Variants in TNR observed in about 807,000 individuals in gnomAD.
TNR encodes the protein tenascin-R.
In TNR, 45 loss-of-function variants were observed where a neutral mutation model predicts 150.4. The observed-to-expected ratio is 0.30, with a 90% CI of 0.24 to 0.38. TNR has a LOEUF of 0.38. Ranked by LOEUF, TNR falls within the 10% of genes least tolerant of loss-of-function variation. The probability of loss-of-function intolerance (pLI) is 1.00; values close to 1 mark genes in which losing one functional copy is unlikely to be tolerated. For missense variants in TNR, 1,544 were observed against 1,759.1 expected, an observed-to-expected ratio of 0.88 and a Z score of 2.19; for synonymous variants, 687 against 678.4, an observed-to-expected ratio of 1.01 and a Z score of -0.20.
chr1:175,469,963 A>G (rs531002920), intron 2 of TNR, among the ~76,000 whole-genome samples: 77 of 152,260 alleles, frequency 5.1e-4, no homozygotes, highest in Middle Eastern at 6.8e-3. Context: ...AAGACCCTTT[A>G]GAGGGAAAAC....
intron 1 of TNR, among the ~76,000 whole-genome samples, chr1:175,582,627 A>T (rs570820276): frequency 3.0e-4 from 46 of 152,294 alleles, no homozygotes; most frequent in African/African-American, 9.9e-4. Flanking sequence ...AGAGGCCTTT[A>T]CCATGCTTCT....
At chr1:175,513,358 T>C (rs571017995) in intron 2 of TNR, among the ~76,000 whole-genome samples, 17 of 152,278 alleles carry the variant, frequency 1.1e-4, no homozygotes, top group South Asian at 1.0e-3. Flanking sequence ...CTTGCAAAGT[T>C]TGGAAAAAGA....
intron 1 of TNR, among the ~76,000 whole-genome samples, chr1:175,637,899 G>A (rs1228644501): frequency 6.6e-6 from 1 of 152,216 alleles, no homozygotes; most frequent in Non-Finnish European, 1.5e-5. Flanking sequence ...CAGTGAGGGA[G>A]ATGCTGAATA....
At chr1:175,477,110 A>T (rs184379070) in intron 2 of TNR, among the ~76,000 whole-genome samples, 177 of 152,318 alleles carry the variant, frequency 1.2e-3, no homozygotes, top group Non-Finnish European at 2.0e-3. Context: ...TGAGATAATA[A>T]CAACCATGGA....
intron 21 of TNR, 36 bp downstream of exon 21, chr1:175,330,038 C>G (rs1303208498): frequency 6.8e-7 from 1 of 1,476,466 alleles, no homozygotes; most frequent in African/African-American, 1.4e-5. Flanking sequence ...GTCCCATGCC[C>G]ACTGTCCTTG....
At chr1:175,669,942 G>A (rs1460266192) in intron 1 of TNR, among the ~76,000 whole-genome samples, 1 of 152,210 alleles carries the variant, frequency 6.6e-6, no homozygotes, top group African/African-American at 2.4e-5. Flanking sequence ...CTCAGGGTCA[G>A]GCTTGGGCCC....
intron 1 of TNR, among the ~76,000 whole-genome samples, chr1:175,532,925 G>A (rs1185048655): frequency 6.6e-6 from 1 of 152,104 alleles, no homozygotes; most frequent in African/African-American, 2.4e-5. Flanking sequence ...ATAAGACTAA[G>A]CTCACCATCA....
chr1:175,503,583 C>G (rs1658827409), intron 2 of TNR, among the ~76,000 whole-genome samples: 1 of 152,114 alleles, frequency 6.6e-6, no homozygotes, highest in Non-Finnish European at 1.5e-5. Context: ...AGGTATTTCA[C>G]AAGGTACCTT....
At position 175,386,133 on chromosome 1, in the gene TNR, T is replaced by A; in HGVS notation, c.1676A>T (p.Tyr559Phe). ...TFRLQPPLSQ[Y>F]SVQALRPGSR... ...GCCAGGCCGCAGGGCCTGCACTGAG[T>A]ATTGGCTCAGGGGAGGCTGCAGCCG... Residue 559 changes from tyrosine to phenylalanine, a missense_variant, in exon 8 of 23, where the codon TAC becomes TTC. Tyr to Phe is a conservative substitution (Grantham distance 22). Around this residue, in one of 2 missense-constraint regions of TNR, gnomAD observed 1,254 missense variants for 1,329.4 expected, o/e 0.94. Transcript: ENST00000367674. The A allele has an allele frequency of 2.5e-6, 4 of 1,613,316 alleles. No homozygotes were observed. The highest frequency in any genetic ancestry group is 3.4e-6 in the Non-Finnish European group (4 of 1,179,448).
At chr1:175,691,729 A>T (rs1666375160) in intron 1 of TNR, among the ~76,000 whole-genome samples, 1 of 152,196 alleles carries the variant, frequency 6.6e-6, no homozygotes, top group African/African-American at 2.4e-5. Flanking sequence ...GGCAGCCTGC[A>T]GCTGTGGGGA....
At chr1:175,739,510 ACACG>A (rs1472179427) in intron 1 of TNR, among the ~76,000 whole-genome samples, 1 of 152,016 alleles carries the variant, frequency 6.6e-6, no homozygotes, top group Non-Finnish European at 1.5e-5. Context: ...ACACACACAC[ACACG>A]CACGCACACA....
In TNR at chr1:175,317,188, G is replaced by A. The variant is rs762482801; in HGVS notation, c.*6169C>T. 1 of 152,168 alleles carries A rather than the reference G, an allele frequency of 6.6e-6. No individual in the cohort carries two copies. The highest frequency in any genetic ancestry group is 1.5e-5 in the Non-Finnish European group (1 of 68,016). The allele number at this position is 152,168 out of a possible 1,614,324, so 9.4% of individuals were successfully genotyped here. On this transcript the variant is annotated 3_prime_UTR_variant, in exon 23 of 23. Coordinates refer to ENST00000367674, the MANE Select transcript of TNR (RefSeq NM_003285.3). ...CTTTGCACAGTATCTGGTAAATAGT[G>A]GGTATGCAATAAATGCTATTTATCT...
intron 8 of TNR, 32 bp from the exon 9 acceptor site, chr1:175,379,769 C>G: frequency 3.1e-6 from 5 of 1,609,178 alleles, no homozygotes; most frequent in Non-Finnish European, 4.2e-6. Flanking sequence ...CAACATCGCA[C>G]ATGATAATGT....
rs760776671 is a variant in TNR, at chr1:175,362,786, C to T, written c.2731G>A (p.Val911Met). 2 of 1,613,986 alleles carry T rather than the reference C, an allele frequency of 1.2e-6. No homozygotes were observed. The highest frequency in any genetic ancestry group is 3.3e-5 in the Admixed American group (2 of 59,998). The change falls in exon 14 of 23, where the codon GTG (valine) becomes ATG (methionine). Residue 911 changes from valine to methionine, a missense_variant. Physicochemically the swap from Val to Met is conservative, Grantham distance 21. This residue lies in a region of TNR where 1,254 missense variants were observed against 1,329.4 expected (regional missense o/e 0.94). Transcript: ENST00000367674. ...GTGAATTCTGTCACAGTGTTGGGCA[C>T]CACTGAGCTGTCTAGTCGTCCCACT... is the stretch of plus-strand genomic sequence containing the variant. ...TQVGRLDSSV[V>M]PNTVTEFTIT... is the part of the protein sequence containing the mutation.
intron 1 of TNR, among the ~76,000 whole-genome samples, chr1:175,652,322 A>G (rs1024726437): frequency 2.0e-5 from 3 of 152,050 alleles, no homozygotes; most frequent in Non-Finnish European, 4.4e-5. Flanking sequence ...TTTCAACTAC[A>G]TCAGAATTAA....
chr1:175,455,620 T>TC (rs1223401313), intron 2 of TNR, among the ~76,000 whole-genome samples: 3 of 152,186 alleles, frequency 2.0e-5, no homozygotes, highest in Non-Finnish European at 4.4e-5. Flanking sequence ...GTCAGGGAAG[T>TC]CTTCAGAAGG....
At chr1:175,732,054 C>A (rs1384865700) in intron 1 of TNR, among the ~76,000 whole-genome samples, 1 of 152,174 alleles carries the variant, frequency 6.6e-6, no homozygotes, top group Non-Finnish European at 1.5e-5. Flanking sequence ...CCCTGCATTG[C>A]CCCATATCCC....
chr1:175,560,083 T>C (rs984757991), intron 1 of TNR, among the ~76,000 whole-genome samples: 3 of 152,254 alleles, frequency 2.0e-5, no homozygotes, highest in Non-Finnish European at 4.4e-5. Context: ...TGTCAGACAG[T>C]AAACCTTAAG....
intron 2 of TNR, among the ~76,000 whole-genome samples, chr1:175,421,680 C>G (rs1420045921): frequency 6.6e-6 from 1 of 152,192 alleles, no homozygotes. Flanking sequence ...TATTTATTGC[C>G]TTTCTCCAAA....
Sources: gnomAD v4.1 joint callset for allele counts (sites outside exome capture counted in the v4.1 genomes callset) on GRCh38, gnomAD v4.1.1 for gene constraint, gnomAD v4.1.1 regional missense constraint, MANE v1.5 for transcripts, NCBI Gene and HGNC (gene_info 2026-07-23, HGNC 2026-07-21) for gene names.